The following FAT3 variants were observed in gnomAD, a reference collection of about 807,000 sequenced individuals.
The protein encoded by FAT3 is FAT atypical cadherin 3, also known as protocadherin Fat 3.
A neutral mutation model predicts 310.2 loss-of-function variants in FAT3; 95 were observed. The ratio of observed to expected loss-of-function variants is 0.31; its 90% CI spans 0.26 to 0.36. The LOEUF (loss-of-function observed/expected upper bound fraction) is 0.36. FAT3 is among the 10% of genes least tolerant of loss of function. FAT3 has a pLI of 1.00. For synonymous variants in FAT3, 2,314 were observed against 2,192.9 expected (o/e 1.06, Z -1.54); for missense variants, 5,408 against 5,715.6 (o/e 0.95, Z 1.74).
chr11:92,845,276 AGCCATTGGCTGATG>A (rs1183347580), intron 19 of FAT3, among the ~76,000 whole-genome samples: 1 of 152,240 alleles, frequency 6.6e-6, no homozygotes, highest in Non-Finnish European at 1.5e-5. Context: ...AGGCAGTGAG[AGCCATTGGCTGATG>A]AGAAGCGAAG....
At chr11:92,386,973 G>A (rs567711731) in intron 2 of FAT3, among the ~76,000 whole-genome samples, 13 of 152,170 alleles carry the variant, frequency 8.5e-5, no homozygotes, top group African/African-American at 2.4e-4. Flanking sequence ...TGTTGCCACC[G>A]TCTTGTTAGG....
chr11:92,608,451 A>G (rs1052836422), intron 3 of FAT3, among the ~76,000 whole-genome samples: 2 of 152,078 alleles, frequency 1.3e-5, no homozygotes, highest in Non-Finnish European at 2.9e-5. Flanking sequence ...TTAATATAAA[A>G]CTAAATGGAA....
At chr11:92,788,939 G>A (rs1405204987) in intron 7 of FAT3, among the ~76,000 whole-genome samples, 1 of 152,074 alleles carries the variant, frequency 6.6e-6, no homozygotes, top group Non-Finnish European at 1.5e-5. Context: ...CCCATTTATG[G>A]ATGTATTAAC....
intron 3 of FAT3, among the ~76,000 whole-genome samples, chr11:92,598,226 A>ATTTTT (rs1490513946): frequency 8.0e-6 from 1 of 125,660 alleles, no homozygotes; most frequent in African/African-American, 3.7e-5. Flanking sequence ...ATATATATAT[A>ATTTTT]TATATTTTTT....
intron 3 of FAT3, among the ~76,000 whole-genome samples, chr11:92,669,270 C>T (rs1943054535): frequency 6.6e-6 from 1 of 152,176 alleles, no homozygotes; most frequent in East Asian, 1.9e-4. Flanking sequence ...CAGATCCCGG[C>T]TCCAAAGTTT....
intron 4 of FAT3, among the ~76,000 whole-genome samples, chr11:92,702,407 C>T (rs1014193920): frequency 9.2e-5 from 14 of 152,320 alleles, no homozygotes; most frequent in South Asian, 2.1e-4. Flanking sequence ...AAGGCATGCT[C>T]GGCTTCTTTT....
At chr11:92,580,709 C>T (rs1382799143) in intron 3 of FAT3, among the ~76,000 whole-genome samples, 1 of 152,054 alleles carries the variant, frequency 6.6e-6, no homozygotes, top group African/African-American at 2.4e-5. Flanking sequence ...TTATCCATGT[C>T]GTTGGAGTCC....
At chr11:92,322,955 T>C (rs1351873512) in intron 1 of FAT3, among the ~76,000 whole-genome samples, 1 of 150,886 alleles carries the variant, frequency 6.6e-6, no homozygotes, top group Non-Finnish European at 1.5e-5. Flanking sequence ...ATCATCTTAA[T>C]GACCTCTAGA....
At position 92,896,210 on chromosome 11, in the gene FAT3, G is replaced by C. The variant is rs1418352485; in HGVS notation, c.*5097G>C. The C allele has an allele frequency of 6.6e-6, 1 of 151,694 alleles. No individual in the cohort carries two copies. Among genetic ancestry groups the C allele is most frequent in the Non-Finnish European group, 1.5e-5 (1 of 67,972 alleles). The allele number at this position is 151,694 out of a possible 1,614,324, so 9.4% of individuals were successfully genotyped here. A position where few individuals can be genotyped will look rare whatever the true frequency, so the allele number is the denominator to read the frequency against. ...CACACACCAAACCTTATGCAAAGGG[G>C]AAAGCTAACACTTAGAGTGGATTTT... On this transcript the variant is annotated 3_prime_UTR_variant, in exon 28 of 28. Coordinates refer to ENST00000525166, the MANE Select transcript of FAT3 (RefSeq NM_001367949.2).
At chr11:92,469,289 T>G (rs1227648011) in intron 2 of FAT3, among the ~76,000 whole-genome samples, 1 of 152,178 alleles carries the variant, frequency 6.6e-6, no homozygotes, top group Non-Finnish European at 1.5e-5. Flanking sequence ...AAATGAGACC[T>G]TTTTAAAACC....
intron 4 of FAT3, among the ~76,000 whole-genome samples, chr11:92,746,147 T>C (rs1408578739): frequency 6.6e-6 from 1 of 152,354 alleles, no homozygotes; most frequent in African/African-American, 2.4e-5. Flanking sequence ...TTAAAGGCAG[T>C]TCAGAGAAAA....
In FAT3 at chr11:92,857,338, A is replaced by C. The variant is rs778775181; in HGVS notation, c.11490A>C (p.Gly3830=). The C allele has an allele frequency of 2.5e-6, 4 of 1,614,010 alleles. No individual in the cohort carries two copies. Among genetic ancestry groups the C allele is most frequent in the Non-Finnish European group, 3.4e-6 (4 of 1,179,902 alleles). Residue 3830 remains glycine, a synonymous_variant, in exon 20 of 28, where the codon GGA becomes GGC. Coordinates refer to ENST00000525166, the MANE Select transcript of FAT3 (RefSeq NM_001367949.2). ...FLCQCPPGKL[G]ECSGHTSLSF... ...GCCAGTGTCCACCAGGGAAGCTCGGAGAGTGCTCAGGTGCAGAGTGGAGTG... is the reference window on the plus strand; with the variant it reads ...GCCAGTGTCCACCAGGGAAGCTCGGCGAGTGCTCAGGTGCAGAGTGGAGTG...
chr11:92,332,389 T>G (rs754171880), intron 1 of FAT3, among the ~76,000 whole-genome samples: 3 of 152,196 alleles, frequency 2.0e-5, no homozygotes, highest in Non-Finnish European at 2.9e-5. Context: ...TAAATACACT[T>G]AAGTTGGAAT....
rs1213964941 is a variant in FAT3 at position 92,354,257 on chromosome 11, T to C, written c.2145T>C (p.Phe715=). 2 of 1,613,728 alleles carry C rather than the reference T, an allele frequency of 1.2e-6. No individual in the cohort carries two copies. Among genetic ancestry groups the C allele is most frequent in the Non-Finnish European group, 8.5e-7 (1 of 1,179,858 alleles). ...KLNLEDGFLD[F]YSINRQGPYF... ...ATCTGGAAGATGGATTTCTTGACTTTTATTCAATTAATAGACAGGGACCAT... is the reference window on the plus strand; with the variant it reads ...ATCTGGAAGATGGATTTCTTGACTTCTATTCAATTAATAGACAGGGACCAT... The change falls in exon 2 of 28, where the codon TTT becomes TTC. Residue 715 remains phenylalanine, a synonymous_variant. Transcript: ENST00000525166.
In FAT3 at chr11:92,698,483, G is replaced by T. The variant is rs559617804; in HGVS notation, c.3669+1038G>T. ...TTAGTTTCCCCTACTATGAAATTTG[G>T]CAAACAATTACAATCCTTTATACCT... On this transcript the variant is annotated intron_variant, in intron 4 of 27. Transcript: ENST00000525166. 2.2e-4 allele frequency among the ~76,000 whole-genome samples: 33 copies of T among 152,132 alleles called. No individual in the cohort carries two copies. The South Asian group carries it at 6.9e-3, about 32-fold the overall frequency.
At chr11:92,887,397 C>G (rs944114047) in intron 25 of FAT3, among the ~76,000 whole-genome samples, 1 of 152,208 alleles carries the variant, frequency 6.6e-6, no homozygotes, top group Non-Finnish European at 1.5e-5. Flanking sequence ...TGTGGTGGAA[C>G]TACTTCATCC....
At position 92,811,413 on chromosome 11, in the gene FAT3, T is replaced by A. The variant is rs1406676119; in HGVS notation, c.9481+1337T>A. Among the ~76,000 whole-genome samples the A allele has an allele frequency of 2.0e-5, 3 of 152,090 alleles. No homozygotes were observed. In the East Asian group the frequency reaches 5.8e-4, roughly 29 times the overall value. ...CCACACTCCATGAAGGAATTGAGTGTACCCAGGCTACTAGACTGGACATGG... is the reference window on the plus strand; with the variant it reads ...CCACACTCCATGAAGGAATTGAGTGAACCCAGGCTACTAGACTGGACATGG... On this transcript the variant is annotated intron_variant, in intron 13 of 27. Coordinates refer to ENST00000525166, the MANE Select transcript of FAT3 (RefSeq NM_001367949.2).
At chr11:92,447,224 T>TGTGTGTGC (rs778842977) in intron 2 of FAT3, among the ~76,000 whole-genome samples, 1 of 24,776 alleles carries the variant, frequency 4.0e-5, no homozygotes, top group African/African-American at 6.2e-5. Context: ...TATGTGTGCG[T>TGTGTGTGC]GTGTGTGTGT....
intron 3 of FAT3, among the ~76,000 whole-genome samples, chr11:92,543,461 TG>T (rs1954517360): frequency 6.6e-6 from 1 of 152,188 alleles, no homozygotes; most frequent in Non-Finnish European, 1.5e-5. Flanking sequence ...GTACAATTAA[TG>T]TATGTAAGTT....
Sources: allele counts gnomAD v4.1 joint callset (sites outside exome capture counted in the v4.1 genomes callset), GRCh38; gene constraint gnomAD v4.1.1; transcripts MANE v1.5; gene names NCBI Gene and HGNC (gene_info 2026-07-23, HGNC 2026-07-21).